Variants in UNC5D observed in about 807,000 individuals in gnomAD.
The protein encoded by UNC5D is netrin receptor UNC5D.
A neutral mutation model predicts 105.4 loss-of-function variants in UNC5D; 39 were observed. The ratio of observed to expected loss-of-function variants is 0.37; its 90% CI spans 0.29 to 0.48. UNC5D has a LOEUF of 0.48. Ranked by LOEUF, UNC5D falls within the 20% of genes least tolerant of loss-of-function variation. The pLI is 0.98. For synonymous variants in UNC5D, 452 were observed against 450.4 expected, an observed-to-expected ratio of 1.00 and a Z score of -0.04; for missense variants, 991 against 1,202.4, an observed-to-expected ratio of 0.82 and a Z score of 2.60.
intron 1 of UNC5D, among the ~76,000 whole-genome samples, chr8:35,339,784 A>T (rs1811326038): frequency 6.6e-6 from 1 of 152,156 alleles, no homozygotes; most frequent in Non-Finnish European, 1.5e-5. Flanking sequence ...CACTGAGAAG[A>T]TGGTGGACTA....
intron 1 of UNC5D, among the ~76,000 whole-genome samples, chr8:35,423,851 A>C (rs1460253190): frequency 1.3e-5 from 2 of 150,338 alleles, no homozygotes; most frequent in African/African-American, 2.5e-5. Flanking sequence ...AATAAGGAGT[A>C]CTTTTTTTTT....
intron 1 of UNC5D, among the ~76,000 whole-genome samples, chr8:35,444,768 C>G (rs1807665664): frequency 2.0e-5 from 3 of 151,970 alleles, no homozygotes; most frequent in Admixed American, 2.0e-4. Flanking sequence ...TATGCTTCCT[C>G]TGAAAACTAT....
At chr8:35,343,254 G>A (rs1259390603) in intron 1 of UNC5D, among the ~76,000 whole-genome samples, 3 of 151,942 alleles carry the variant, frequency 2.0e-5, no homozygotes, top group African/African-American at 7.3e-5. Context: ...TCTCAGATTT[G>A]TATAATAGAA....
intron 8 of UNC5D, among the ~76,000 whole-genome samples, chr8:35,718,359 C>T (rs540638983): frequency 6.6e-6 from 1 of 152,132 alleles, no homozygotes; most frequent in South Asian, 2.1e-4. Context: ...GCAAACAAAC[C>T]AGCCACACTG....
intron 4 of UNC5D, 119 bp downstream of exon 4, chr8:35,595,776 C>A: frequency 2.4e-6 from 2 of 827,662 alleles, no homozygotes; most frequent in East Asian, 2.6e-5. Flanking sequence ...ATTCTTGTTG[C>A]CTGGGCTCAG....
chr8:35,667,715 A>G (rs1354333005), intron 4 of UNC5D, among the ~76,000 whole-genome samples: 3 of 152,230 alleles, frequency 2.0e-5, no homozygotes, highest in African/African-American at 7.2e-5. Context: ...TAATAACAGA[A>G]CAGTTTGTTG....
intron 3 of UNC5D, among the ~76,000 whole-genome samples, chr8:35,587,503 G>A (rs1818866698): frequency 6.6e-6 from 1 of 152,154 alleles, no homozygotes; most frequent in African/African-American, 2.4e-5. Context: ...CAACAAATAT[G>A]TATTAAGTCA....
At chr8:35,557,678 G>A (rs916444718) in intron 2 of UNC5D, among the ~76,000 whole-genome samples, 5 of 151,930 alleles carry the variant, frequency 3.3e-5, no homozygotes, top group African/African-American at 1.2e-4. Flanking sequence ...AAGAGTCCCC[G>A]GAGCTGTGGT....
Position 35,329,478 on chromosome 8 carries a change from A to G in UNC5D, c.103+93591A>G, listed in dbSNP as rs551687093. ...TAGACATCAATCTTGAAAGCAACAC[A>G]TTAGACTGGGGTTCTAATGAGACCG... On this transcript the variant is annotated intron_variant, in intron 1 of 16. Transcript: ENST00000404895. Among the ~76,000 whole-genome samples, 6 of 152,016 alleles carry G rather than the reference A, an allele frequency of 3.9e-5. No individual in the cohort carries two copies. In the East Asian group the frequency reaches 1.2e-3, roughly 30 times the overall value.
chr8:35,585,554 A>G lies in UNC5D; in HGVS notation c.467-10000A>G, dbSNP rs202155492. Among the ~76,000 whole-genome samples, 569 of 150,056 alleles carry G rather than the reference A, an allele frequency of 3.8e-3. 6 individuals carry two copies. Among genetic ancestry groups the G allele is most frequent in the African/African-American group, 0.011 (461 of 40,588 alleles). On this transcript the variant is annotated intron_variant, in intron 3 of 16. Coordinates refer to ENST00000404895, the MANE Select transcript of UNC5D (RefSeq NM_080872.4). ...TGTGTGTGTGTGTGTGTGTGTGTGT[A>G]TATATGTACATATATATTCATTCTA...
intron 1 of UNC5D, among the ~76,000 whole-genome samples, chr8:35,479,723 G>T (rs988960542): frequency 1.3e-5 from 2 of 152,114 alleles, no homozygotes; most frequent in Non-Finnish European, 2.9e-5. Context: ...TCACTTATAA[G>T]TGAGAGCTAA....
At chr8:35,442,893 C>CTG (rs1563423300) in intron 1 of UNC5D, among the ~76,000 whole-genome samples, 5 of 133,420 alleles carry the variant, frequency 3.7e-5, no homozygotes, top group African/African-American at 9.5e-5. Context: ...GTTTCTCTCT[C>CTG]TCTCTCTCTC....
chr8:35,566,277 A>G (rs1817331441), intron 2 of UNC5D, among the ~76,000 whole-genome samples: 1 of 152,180 alleles, frequency 6.6e-6, no homozygotes, highest in South Asian at 2.1e-4. Context: ...CACGTTATTA[A>G]TTGAGTGGAA....
At chr8:35,728,041 A>G (rs1258750646) in intron 10 of UNC5D, among the ~76,000 whole-genome samples, 1 of 141,424 alleles carries the variant, frequency 7.1e-6, no homozygotes, top group African/African-American at 2.6e-5. Context: ...ATTCGAGACC[A>G]GCGAGGGCAA....
chr8:35,263,683 G>A (rs548436560), intron 1 of UNC5D, among the ~76,000 whole-genome samples: 1 of 152,350 alleles, frequency 6.6e-6, no homozygotes, highest in South Asian at 2.1e-4. Context: ...TGAATAGTAA[G>A]CCTTCATAAT....
chr8:35,358,072 T>C (rs1408213240), intron 1 of UNC5D, among the ~76,000 whole-genome samples: 3 of 152,208 alleles, frequency 2.0e-5, no homozygotes, highest in Non-Finnish European at 4.4e-5. Flanking sequence ...CCCAGATCTT[T>C]GCTTACTATC....
intron 1 of UNC5D, among the ~76,000 whole-genome samples, chr8:35,324,973 C>G (rs1796639856): frequency 6.6e-6 from 1 of 152,114 alleles, no homozygotes; most frequent in African/African-American, 2.4e-5. Context: ...TGATATCACT[C>G]AGCACAACAG....
chr8:35,421,014 A>G (rs901615955), intron 1 of UNC5D, among the ~76,000 whole-genome samples: 6 of 152,142 alleles, frequency 3.9e-5, no homozygotes, highest in African/African-American at 1.4e-4. Flanking sequence ...GTGAAGGTAG[A>G]AAATGTCCCT....
chr8:35,630,326 A>G (rs542514577), intron 4 of UNC5D, among the ~76,000 whole-genome samples: 136 of 152,308 alleles, frequency 8.9e-4, no homozygotes, highest in Non-Finnish European at 1.5e-3. Flanking sequence ...TGATTAGTGT[A>G]TTATCAGGGA....
Sources: allele counts gnomAD v4.1 joint callset (sites outside exome capture counted in the v4.1 genomes callset), GRCh38; gene constraint gnomAD v4.1.1; transcripts MANE v1.5; gene names NCBI Gene and HGNC (gene_info 2026-07-23, HGNC 2026-07-21).